ATP8B4: variants seen among roughly 807,000 people sequenced by gnomAD.
ATP8B4 encodes the protein ATPase phospholipid transporting 8B4 (putative).
A neutral mutation model predicts 145.6 loss-of-function variants in ATP8B4; 133 were observed. The observed-to-expected ratio is 0.91, with a 90% CI of 0.79 to 1.05. ATP8B4 has a LOEUF of 1.05. Ranked by LOEUF, ATP8B4 falls within the 50% of genes least tolerant of loss-of-function variation. The pLI, the probability that ATP8B4 is intolerant of heterozygous loss-of-function variation, is 0.00. For missense variants in ATP8B4, 1,458 were observed against 1,425.2 expected, an observed-to-expected ratio of 1.02 and a Z score of -0.37; for synonymous variants, 507 against 492.9, an observed-to-expected ratio of 1.03 and a Z score of -0.38.
intron 1 of ATP8B4, among the ~76,000 whole-genome samples, chr15:50,140,709 A>C (rs2044194991): frequency 6.6e-6 from 1 of 152,202 alleles, no homozygotes; most frequent in Non-Finnish European, 1.5e-5. Context: ...CTGACATATG[A>C]TTTTTACTAT....
At chr15:49,894,379 C>G (rs1422085259) in intron 23 of ATP8B4, among the ~76,000 whole-genome samples, 1 of 152,080 alleles carries the variant, frequency 6.6e-6, no homozygotes, top group Non-Finnish European at 1.5e-5. Flanking sequence ...CAAATCGGGG[C>G]AAAGTAGAGA....
At chr15:50,024,098 T>A (rs1249620533) in intron 6 of ATP8B4, among the ~76,000 whole-genome samples, 1 of 152,196 alleles carries the variant, frequency 6.6e-6, no homozygotes, top group Non-Finnish European at 1.5e-5. Context: ...CCATAAAAGT[T>A]ATGCATCTAG....
At chr15:49,925,384 C>T (rs1415638240) in intron 16 of ATP8B4, among the ~76,000 whole-genome samples, 13 of 151,634 alleles carry the variant, frequency 8.6e-5, no homozygotes, top group South Asian at 4.2e-4. Context: ...TCACATGTCA[C>T]GTGGCTTCTG....
intron 14 of ATP8B4, among the ~76,000 whole-genome samples, chr15:49,949,634 T>A (rs2042893504): frequency 6.6e-6 from 1 of 152,146 alleles, no homozygotes; most frequent in Non-Finnish European, 1.5e-5. Context: ...TTTGACTTCC[T>A]CTCTTCCTAT....
At chr15:50,124,238 AG>A (rs1283367699) in intron 1 of ATP8B4, among the ~76,000 whole-genome samples, 1 of 152,140 alleles carries the variant, frequency 6.6e-6, no homozygotes, top group African/African-American at 2.4e-5. Context: ...CACCAAGAGA[AG>A]GTAACTCAAC....
intron 3 of ATP8B4, among the ~76,000 whole-genome samples, chr15:50,051,824 T>TA (rs1361548279): frequency 1.3e-5 from 2 of 152,228 alleles, no homozygotes; most frequent in Admixed American, 1.3e-4. Context: ...GACACTCTCC[T>TA]ACAAAACTGA....
At chr15:50,118,555 C>CA (rs1159101801) in intron 1 of ATP8B4, among the ~76,000 whole-genome samples, 1 of 152,138 alleles carries the variant, frequency 6.6e-6, no homozygotes, top group African/African-American at 2.4e-5. Context: ...TTCTTTTCTT[C>CA]AAAACAGCTA....
chr15:50,018,041 G>T (rs1184024602), intron 6 of ATP8B4, among the ~76,000 whole-genome samples: 1 of 145,438 alleles, frequency 6.9e-6, no homozygotes, highest in Non-Finnish European at 1.5e-5. Context: ...AGGCTGGAGT[G>T]CAGTGGCACC....
intron 1 of ATP8B4, among the ~76,000 whole-genome samples, chr15:50,158,055 T>C (rs2044449751): frequency 6.6e-6 from 1 of 152,344 alleles, no homozygotes; most frequent in South Asian, 2.1e-4. Flanking sequence ...GTTCACTCAG[T>C]GCTCAGTGGT....
intron 3 of ATP8B4, among the ~76,000 whole-genome samples, chr15:50,057,070 T>C (rs2052664535): frequency 6.6e-6 from 1 of 152,106 alleles, no homozygotes; most frequent in Non-Finnish European, 1.5e-5. Context: ...TCATAAACTT[T>C]GAAAACTGTG....
intron 20 of ATP8B4, among the ~76,000 whole-genome samples, chr15:49,910,281 GA>G (rs2039094072): frequency 1.3e-5 from 2 of 152,088 alleles, no homozygotes; most frequent in Non-Finnish European, 2.9e-5. Flanking sequence ...CAGGTCTCTT[GA>G]AATAACCCAA....
chr15:49,860,695 G>A (rs1306591544), intron 27 of ATP8B4, among the ~76,000 whole-genome samples: 6 of 152,052 alleles, frequency 3.9e-5, no homozygotes, highest in Admixed American at 2.6e-4. Flanking sequence ...AAGTAATTAA[G>A]AAATATCAGA....
intron 6 of ATP8B4, among the ~76,000 whole-genome samples, chr15:50,031,357 T>G (rs1250100607): frequency 6.6e-6 from 1 of 152,090 alleles, no homozygotes; most frequent in Non-Finnish European, 1.5e-5. Flanking sequence ...GTAATCTGGG[T>G]GGGCTGGAGA....
At chr15:49,895,843 T>G (rs1240780178) in intron 23 of ATP8B4, 1 of 152,228 alleles carries the variant, frequency 6.6e-6, no homozygotes, top group Non-Finnish European at 1.5e-5. Flanking sequence ...TATTCAAGCT[T>G]TGTGCGTCTG....
At chr15:50,085,771 T>G (rs927957475) in intron 2 of ATP8B4, among the ~76,000 whole-genome samples, 1 of 147,322 alleles carries the variant, frequency 6.8e-6, no homozygotes, top group Non-Finnish European at 1.5e-5. Context: ...TATATGCATA[T>G]GTATGTATCT....
intron 1 of ATP8B4, among the ~76,000 whole-genome samples, chr15:50,118,514 T>C (rs1211888335): frequency 6.6e-6 from 1 of 152,214 alleles, no homozygotes; most frequent in Admixed American, 6.5e-5. Context: ...CTAACAAGAC[T>C]TCAGCTTCCA....
At chr15:49,939,824 G>A (rs1195195714) in intron 14 of ATP8B4, among the ~76,000 whole-genome samples, 1 of 152,050 alleles carries the variant, frequency 6.6e-6, no homozygotes, top group African/African-American at 2.4e-5. Context: ...GCCAATATCA[G>A]AGAAATTCAA....
rs377538401 is a variant in ATP8B4 at position 50,067,339 on chromosome 15, A to G, written c.87+6788T>C. Among the ~76,000 whole-genome samples the G allele has an allele frequency of 5.9e-5, 9 of 152,004 alleles. 2 individuals are homozygous for G. Among genetic ancestry groups the G allele is most frequent in the African/African-American group, 2.2e-4 (9 of 41,312 alleles). On this transcript the variant is annotated intron_variant, in intron 3 of 27. Transcript: ENST00000284509. Reference sequence around the variant, plus strand: ...CCTCATGTTTAAACTCTCTTTTTAAATAGTCTGTTCTCACCTACCCAAACC... The same window carrying G: ...CCTCATGTTTAAACTCTCTTTTTAAGTAGTCTGTTCTCACCTACCCAAACC...
At chr15:49,866,574 G>A in intron 25 of ATP8B4, 90 bp from the exon 26 acceptor site, 1 of 1,506,556 alleles carries the variant, frequency 6.6e-7, no homozygotes. Context: ...ACTGCCCTGT[G>A]GCAGGAAGTT....
Sources: allele counts gnomAD v4.1 joint callset (sites outside exome capture counted in the v4.1 genomes callset), GRCh38; gene constraint gnomAD v4.1.1; transcripts MANE v1.5; gene names NCBI Gene and HGNC (gene_info 2026-07-23, HGNC 2026-07-21).